SCG3: variants seen among roughly 807,000 people sequenced by gnomAD.
SCG3 encodes the protein secretogranin-3.
A neutral mutation model predicts 56.2 loss-of-function variants in SCG3; 38 were observed. The ratio of observed to expected loss-of-function variants is 0.68; its 90% CI spans 0.52 to 0.89. The LOEUF (loss-of-function observed/expected upper bound fraction) is 0.89. Among genes scored for constraint, SCG3 ranks in the 40% least tolerant of loss-of-function variants. SCG3 has a pLI of 0.00. For synonymous variants in SCG3, 176 were observed against 184.2 expected, an observed-to-expected ratio of 0.96 and a Z score of 0.36; for missense variants, 524 against 540.7, an observed-to-expected ratio of 0.97 and a Z score of 0.31.
Position 51,681,637 on chromosome 15 carries a change from T to TGC in SCG3, c.-119_-118insGC. The TGC allele has an allele frequency of 5.1e-6, 3 of 582,690 alleles. No homozygotes were observed. The highest frequency in any genetic ancestry group is 9.8e-6 in the Non-Finnish European group (3 of 307,202). The allele number at this position is 582,690 out of a possible 1,614,324, so 36.1% of individuals were successfully genotyped here. A position where few individuals can be genotyped will look rare whatever the true frequency, so the allele number is the denominator to read the frequency against. On this transcript the variant is annotated 5_prime_UTR_variant, in exon 1 of 12. Transcript: ENST00000220478. ...TGCAGCCGCCCAGTCCCGGCCCCTCTCCCGCCCCACACCCACCCTCCTGGC... is the reference window on the plus strand; with the variant it reads ...TGCAGCCGCCCAGTCCCGGCCCCTCTGCCCCGCCCCACACCCACCCTCCTGGC...
chr15:51,686,697 T>A (rs752786318), intron 4 of SCG3, among the ~76,000 whole-genome samples: 2 of 146,246 alleles, frequency 1.4e-5, no homozygotes, highest in Non-Finnish European at 2.9e-5. Context: ...GTTTGTTTGT[T>A]TGTTTGTATG....
intron 10 of SCG3, among the ~76,000 whole-genome samples, chr15:51,707,085 C>G (rs909110818): frequency 6.6e-6 from 1 of 152,138 alleles, no homozygotes; most frequent in Non-Finnish European, 1.5e-5. Context: ...TGGATGTTTA[C>G]TCATTCACAT....
chr15:51,703,923 T>C (rs1181387199), intron 10 of SCG3, among the ~76,000 whole-genome samples: 1 of 152,134 alleles, frequency 6.6e-6, no homozygotes, highest in Non-Finnish European at 1.5e-5. Context: ...ACATTTTACA[T>C]TTCCTACATT....
chr15:51,696,031 C>A, intron 8 of SCG3, 40 bp downstream of exon 8: 1 of 1,188,082 alleles, frequency 8.4e-7, no homozygotes, highest in Non-Finnish European at 1.3e-6. Flanking sequence ...TGGTGGTTTT[C>A]ATTGTTCAAA....
chr15:51,691,824 A>G (rs1434516994), intron 6 of SCG3, among the ~76,000 whole-genome samples: 1 of 152,270 alleles, frequency 6.6e-6, no homozygotes, highest in East Asian at 1.9e-4. Context: ...TTCCCTCTTC[A>G]TTAAAAGGCA....
At position 51,691,484 on chromosome 15, in the gene SCG3, G is replaced by A. The variant is rs118008651; in HGVS notation, c.691-675G>A. Among the ~76,000 whole-genome samples, 74 of 152,324 alleles carry A rather than the reference G, an allele frequency of 4.9e-4. No homozygotes were observed. In the East Asian group the frequency reaches 0.013, roughly 26 times the overall value. Reference sequence around the variant, plus strand: ...AGGCTGCTTGGACTAGAGTGGCATAGTGGAGGGAGAAATGTGCAAATTTGG... The same window carrying A: ...AGGCTGCTTGGACTAGAGTGGCATAATGGAGGGAGAAATGTGCAAATTTGG... On this transcript the variant is annotated intron_variant, in intron 6 of 11. Coordinates refer to ENST00000220478, the MANE Select transcript of SCG3 (RefSeq NM_013243.4).
At chr15:51,704,244 CATATATATATATAT>C (rs750951935) in intron 10 of SCG3, among the ~76,000 whole-genome samples, 68 of 73,630 alleles carry the variant, frequency 9.2e-4, no homozygotes, top group Non-Finnish European at 1.4e-3. Context: ...TACATACATA[CATATATATATATAT>C]ATATATATAT....
intron 11 of SCG3, 130 bp downstream of exon 11, chr15:51,713,543 C>T: frequency 1.8e-6 from 1 of 554,848 alleles, no homozygotes; most frequent in Non-Finnish European, 3.2e-6. Flanking sequence ...ACTGAAGTCA[C>T]CTGTCAGATA....
rs753668127 is a variant in SCG3 at position 51,683,105 on chromosome 15, T to G, written c.162T>G (p.Ile54Met). The G allele has an allele frequency of 2.6e-5, 42 of 1,609,588 alleles. No individual in the cohort carries two copies. Among genetic ancestry groups the G allele is most frequent in the Non-Finnish European group, 3.1e-5 (36 of 1,178,330 alleles). The part of the protein sequence containing the change: ...EQIAEAEEDK[I>M]KKTYPPENKP... ...TTGCTGAAGCAGAAGAAGACAAGAT[T>G]AAAAAAACATATCCTCCAGGTAAAA... The change falls in exon 3 of 12, where the codon ATT becomes ATG. Residue 54 changes from isoleucine (I) to methionine (M), a missense_variant. By Grantham distance (10) the Ile-to-Met change is conservative. Coordinates refer to ENST00000220478, the MANE Select transcript of SCG3 (RefSeq NM_013243.4).
At chr15:51,695,719 C>A (rs1169382398) in intron 7 of SCG3, 156 bp from the exon 8 acceptor site, 1 of 578,920 alleles carries the variant, frequency 1.7e-6, no homozygotes, top group Non-Finnish European at 3.0e-6. Context: ...CGGAGAATAG[C>A]CACTGCATTC....
intron 11 of SCG3, chr15:51,715,060 A>G (rs999976709): frequency 6.6e-6 from 1 of 152,242 alleles, no homozygotes; most frequent in Non-Finnish European, 1.5e-5. Context: ...TGTATGGTAC[A>G]TCAATTTGGA....
chr15:51,696,005 T>C lies in SCG3; in HGVS notation c.985+14T>C. On this transcript the variant is annotated intron_variant, in intron 8 of 11. Transcript: ENST00000220478. ...TTTCCTACCTTGGTGAGATTCTATG[T>C]GTTTTGTTTCTACTGTGGTGGTTTT... 1 of 1,444,980 alleles carries C rather than the reference T, an allele frequency of 6.9e-7. No homozygotes were observed. Among genetic ancestry groups the C allele is most frequent in the Non-Finnish European group, 9.7e-7 (1 of 1,027,540 alleles). The allele number at this position is 1,444,980 out of a possible 1,614,324, so 89.5% of individuals were successfully genotyped here.
At chr15:51,716,228 A>T (rs1402429457) in intron 11 of SCG3, among the ~76,000 whole-genome samples, 1 of 152,184 alleles carries the variant, frequency 6.6e-6, no homozygotes, top group Non-Finnish European at 1.5e-5. Flanking sequence ...TCCATTAAAG[A>T]TGTTGACACT....
intron 10 of SCG3, among the ~76,000 whole-genome samples, chr15:51,703,259 A>G (rs575204490): frequency 1.3e-5 from 2 of 152,322 alleles, no homozygotes; most frequent in Admixed American, 6.5e-5. Flanking sequence ...CTGCTCACAC[A>G]AATAGAAGCA....
chr15:51,688,331 G>A lies in SCG3; in HGVS notation c.469G>A (p.Ala157Thr). The A allele has an allele frequency of 6.2e-7, 1 of 1,613,726 alleles. No homozygotes were observed. The highest frequency in any genetic ancestry group is 8.5e-7 in the Non-Finnish European group (1 of 1,179,710). The change falls in exon 5 of 12, where the codon GCC (alanine) becomes ACC (threonine). Residue 157 changes from alanine (A) to threonine (T), a missense_variant. Physicochemically the swap from Ala to Thr is moderately conservative, Grantham distance 58. Transcript: ENST00000220478. ...TGAAGACATTGTCCATAAAATCGCT[G>A]CCAGGATTTATGAAGAAAATGACAG... ...TAEDIVHKIA[A>T]RIYEENDRAV...
rs747681815 is a variant in SCG3, at chr15:51,688,500, G to A, written c.540+98G>A. 7 of 1,098,792 alleles carry A rather than the reference G, an allele frequency of 6.4e-6. No homozygotes were observed. In the Admixed American group the frequency reaches 6.6e-5, roughly 10 times the overall value. The allele number at this position is 1,098,792 out of a possible 1,614,324, so 68.1% of individuals were successfully genotyped here. ...CCTCAAGTAGCCAAGTGTTTATAAT[G>A]TGTCTTCCTTCTACTAGGACCCGTA... On this transcript the variant is annotated intron_variant, in intron 5 of 11. Coordinates refer to ENST00000220478, the MANE Select transcript of SCG3 (RefSeq NM_013243.4).
intron 9 of SCG3, among the ~76,000 whole-genome samples, chr15:51,700,401 T>G (rs2055331424): frequency 6.6e-6 from 1 of 152,244 alleles, no homozygotes; most frequent in African/African-American, 2.4e-5. Flanking sequence ...GTATTACAAT[T>G]GTTTTCAAAT....
chr15:51,704,081 C>T (rs1397908985), intron 10 of SCG3, among the ~76,000 whole-genome samples: 1 of 151,440 alleles, frequency 6.6e-6, no homozygotes, highest in East Asian at 1.9e-4. Context: ...TAATGTTTGT[C>T]CTGAGCAAGA....
chr15:51,702,259 TTTTA>T (rs778350903), intron 10 of SCG3, among the ~76,000 whole-genome samples: 7 of 152,302 alleles, frequency 4.6e-5, no homozygotes, highest in Non-Finnish European at 7.4e-5. Context: ...TAGGATTTTA[TTTTA>T]TTTTATTTTT....
Sources: gnomAD v4.1 joint callset for allele counts (sites outside exome capture counted in the v4.1 genomes callset) on GRCh38, gnomAD v4.1.1 for gene constraint, MANE v1.5 for transcripts, NCBI Gene and HGNC (gene_info 2026-07-23, HGNC 2026-07-21) for gene names.